PTPN5: variants seen among roughly 807,000 people sequenced by gnomAD.
The protein encoded by PTPN5 is protein tyrosine phosphatase non-receptor type 5.
In PTPN5, 29 loss-of-function variants were observed where a neutral mutation model predicts 73.9. That is an observed-to-expected ratio of 0.39 (90% confidence interval 0.29 to 0.54). The LOEUF (loss-of-function observed/expected upper bound fraction) is 0.54. PTPN5 is among the 20% of genes least tolerant of loss of function. The pLI is 0.65. For missense variants in PTPN5, 652 were observed against 751.4 expected, an observed-to-expected ratio of 0.87 and a Z score of 1.55; for synonymous variants, 267 against 304.7, an observed-to-expected ratio of 0.88 and a Z score of 1.29.
At chr11:18,731,726 A>G (rs1590476471) in intron 12 of PTPN5, among the ~76,000 whole-genome samples, 2 of 151,960 alleles carry the variant, frequency 1.3e-5, no homozygotes, top group South Asian at 4.2e-4. Flanking sequence ...TGCTCTCGAC[A>G]CCCTACCTGG....
intron 9 of PTPN5, among the ~76,000 whole-genome samples, chr11:18,736,056 G>A: frequency 6.6e-6 from 1 of 152,172 alleles, no homozygotes; most frequent in Non-Finnish European, 1.5e-5. Context: ...TGGACAACAT[G>A]AAAGCCCTAA....
rs769642649 is a variant in PTPN5 at position 18,732,543 on chromosome 11, A to G, written c.1329+49T>C. The G allele has an allele frequency of 2.8e-6, 4 of 1,409,794 alleles. No homozygotes were observed. In the South Asian group the frequency reaches 4.6e-5, roughly 16 times the overall value. The allele number at this position is 1,409,794 out of a possible 1,614,324, so 87.3% of individuals were successfully genotyped here. A position where few individuals can be genotyped will look rare whatever the true frequency, so the allele number is the denominator to read the frequency against. The stretch of plus-strand genomic sequence containing the variant: ...CTGTTCTCTGTGGAGCCCCCAGTTA[A>G]GCCCCTACACTCATCCTCAGCTTCA... On this transcript the variant is annotated intron_variant, in intron 12 of 14. Coordinates refer to ENST00000358540, the MANE Select transcript of PTPN5 (RefSeq NM_006906.2).
chr11:18,764,547 G>A (rs2134294991), intron 3 of PTPN5, among the ~76,000 whole-genome samples: 1 of 152,280 alleles, frequency 6.6e-6, no homozygotes, highest in Non-Finnish European at 1.5e-5. Flanking sequence ...TTATTTTGAA[G>A]AGTCATCGCT....
At chr11:18,746,169 A>G (rs1849617381) in intron 3 of PTPN5, among the ~76,000 whole-genome samples, 1 of 98,256 alleles carries the variant, frequency 1.0e-5, no homozygotes. Flanking sequence ...ATAAATATAT[A>G]TATATATATA....
At chr11:18,747,522 T>C (rs1244275005) in intron 3 of PTPN5, among the ~76,000 whole-genome samples, 1 of 152,218 alleles carries the variant, frequency 6.6e-6, no homozygotes, top group East Asian at 1.9e-4. Context: ...ATGAAAATAA[T>C]GTGTTTTATT....
chr11:18,756,934 A>AC (rs1333011247), intron 3 of PTPN5, among the ~76,000 whole-genome samples: 1 of 145,570 alleles, frequency 6.9e-6, no homozygotes, highest in Non-Finnish European at 1.5e-5. Flanking sequence ...AAAAAAAAAA[A>AC]AACCAAAAAA....
Position 18,742,473 on chromosome 11 carries a change from G to T in PTPN5, c.514C>A (p.Pro172Thr), listed in dbSNP as rs769649724. 1.2e-5 allele frequency: 19 copies of T among 1,613,754 alleles called. 1 individual carries two copies. The East Asian group carries it at 4.2e-4, about 36-fold the overall frequency. Residue 172 changes from proline (P) to threonine (T), a missense_variant, in exon 7 of 15, where the codon CCA becomes ACA. Pro to Thr is a conservative substitution (Grantham distance 38). Transcript: ENST00000358540. The surrounding 1 kb of genome is among the most constrained non-coding windows in gnomAD (Gnocchi z 4.1). ...VWHLLRTPPEPPTPLPPEDRR... is the reference protein window; with the variant it reads ...VWHLLRTPPETPTPLPPEDRR... ...TCCTCAGGGGGCAGTGGGGTGGGTG[G>T]CTCTGGGGGTGTCCTCAGGAGGTGC...
intron 9 of PTPN5, among the ~76,000 whole-genome samples, chr11:18,737,311 C>T (rs1849159210): frequency 6.6e-6 from 1 of 152,208 alleles, no homozygotes; most frequent in Non-Finnish European, 1.5e-5. Flanking sequence ...GCTCGTGCCG[C>T]CTCACTTGAA....
intron 3 of PTPN5, among the ~76,000 whole-genome samples, chr11:18,747,220 G>A (rs1055607698): frequency 3.3e-5 from 5 of 151,242 alleles, no homozygotes; most frequent in Admixed American, 6.6e-5. Flanking sequence ...GCGTGATCTC[G>A]GCTAACTGCA....
Position 18,733,646 on chromosome 11 carries a change from G to A in PTPN5, c.1001-11C>T. 1 of 1,614,036 alleles carries A rather than the reference G, an allele frequency of 6.2e-7. No homozygotes were observed. The highest frequency in any genetic ancestry group is 8.5e-7 in the Non-Finnish European group (1 of 1,179,866). ...CTCTGCTGTGAGGGTCTGGGGTGGTGGGAGACAAGTAAGGCTGGAAACTGG... is the reference window on the plus strand; with the variant it reads ...CTCTGCTGTGAGGGTCTGGGGTGGTAGGAGACAAGTAAGGCTGGAAACTGG... On this transcript the variant is annotated splice_polypyrimidine_tract_variant and intron_variant, in intron 9 of 14. Transcript: ENST00000358540. The surrounding 1 kb of genome is among the most constrained non-coding windows in gnomAD (Gnocchi z 4.3).
At chr11:18,745,718 C>G (rs907863718) in intron 3 of PTPN5, among the ~76,000 whole-genome samples, 1 of 152,110 alleles carries the variant, frequency 6.6e-6, no homozygotes, top group Non-Finnish European at 1.5e-5. Flanking sequence ...GGGCCCTTCT[C>G]TGTGTGCCTG....
intron 3 of PTPN5, chr11:18,749,530 A>G (rs1849790668): frequency 7.7e-6 from 4 of 518,546 alleles, no homozygotes; most frequent in Non-Finnish European, 1.5e-5. Flanking sequence ...CATGGGGGCC[A>G]CGGTGCAGAT....
At chr11:18,759,405 T>C (rs996553145) in intron 3 of PTPN5, among the ~76,000 whole-genome samples, 3 of 152,186 alleles carry the variant, frequency 2.0e-5, no homozygotes, top group Non-Finnish European at 2.9e-5. Context: ...TGTTGGTCAA[T>C]AGCAGAGCTG....
chr11:18,767,170 C>T (rs1471396942), intron 2 of PTPN5, among the ~76,000 whole-genome samples: 1 of 152,202 alleles, frequency 6.6e-6, no homozygotes, highest in East Asian at 1.9e-4. Flanking sequence ...GCTTCTCTGC[C>T]CCCAAGTCCT....
chr11:18,770,945 G>T (rs545685804), intron 2 of PTPN5, among the ~76,000 whole-genome samples: 51 of 152,242 alleles, frequency 3.3e-4, no homozygotes, highest in African/African-American at 1.2e-3. Context: ...TAGAGTGGGG[G>T]ATGGGGGGTG....
intron 3 of PTPN5, among the ~76,000 whole-genome samples, chr11:18,749,020 G>A (rs186746107): frequency 3.3e-5 from 5 of 152,256 alleles, no homozygotes; most frequent in Admixed American, 3.3e-4. Context: ...ATCTTGTTCT[G>A]GGAATAATAC....
rs1849027521 is a variant in PTPN5, at chr11:18,734,445, G to A, written c.1001-810C>T. 2.0e-5 allele frequency among the ~76,000 whole-genome samples: 3 copies of A among 152,138 alleles called. No homozygotes were observed. In the South Asian group the frequency reaches 6.2e-4, roughly 32 times the overall value. On this transcript the variant is annotated intron_variant, in intron 9 of 14. Coordinates refer to ENST00000358540, the MANE Select transcript of PTPN5 (RefSeq NM_006906.2). ...TGATCCTCCTGCTTCAACCCCCTGAGTAAGCAGGACTAAGCCATGAGCCAC... is the reference window on the plus strand; with the variant it reads ...TGATCCTCCTGCTTCAACCCCCTGAATAAGCAGGACTAAGCCATGAGCCAC...
At chr11:18,788,456 C>T (rs1351477756) in intron 1 of PTPN5, among the ~76,000 whole-genome samples, 1 of 152,166 alleles carries the variant, frequency 6.6e-6, no homozygotes, top group African/African-American at 2.4e-5. Context: ...CTTTTTGCTC[C>T]AGTTGGAATG....
At position 18,742,620 on chromosome 11, in the gene PTPN5, C is replaced by G; in HGVS notation, c.484-117G>C. On this transcript the variant is annotated intron_variant, in intron 6 of 14. Coordinates refer to ENST00000358540, the MANE Select transcript of PTPN5 (RefSeq NM_006906.2). This position sits in a 1 kb window ranked among gnomAD's most constrained non-coding sequence, Gnocchi z 4.1. ...CCTCAGTGTGTCTAGAGCAGCTCTG[C>G]TCTCCTGGGAGTTGTCCACAAGGCA... The G allele has an allele frequency of 6.9e-7, 1 of 1,455,174 alleles. No individual in the cohort carries two copies. The highest frequency in any genetic ancestry group is 9.2e-7 in the Non-Finnish European group (1 of 1,088,966). 90.1% of individuals were successfully genotyped at this position (1,455,174 alleles called of 1,614,324 possible).
Sources: gnomAD v4.1 joint callset for allele counts (sites outside exome capture counted in the v4.1 genomes callset) on GRCh38, gnomAD v4.1.1 for gene constraint, Gnocchi (gnomAD v3.1) non-coding constraint, MANE v1.5 for transcripts, NCBI Gene and HGNC (gene_info 2026-07-23, HGNC 2026-07-21) for gene names.